AUTS2: variants seen among roughly 807,000 people sequenced by gnomAD.
The protein encoded by AUTS2 is activator of transcription and developmental regulator AUTS2, also known as autism susceptibility gene 2 protein.
A neutral mutation model predicts 112.4 loss-of-function variants in AUTS2; 17 were observed. The ratio of observed to expected loss-of-function variants is 0.15; its 90% CI spans 0.10 to 0.23. The LOEUF is 0.23. Ranked by LOEUF, AUTS2 falls within the 10% of genes least tolerant of loss-of-function variation. The probability of loss-of-function intolerance (pLI) is 1.00; values close to 1 mark genes in which losing one functional copy is unlikely to be tolerated. For synonymous variants in AUTS2, 751 were observed against 702.7 expected, an observed-to-expected ratio of 1.07 and a Z score of -1.09; for missense variants, 1,510 against 1,701.6, an observed-to-expected ratio of 0.89 and a Z score of 1.98.
chr7:70,400,781 T>G (rs914029753), intron 4 of AUTS2, among the ~76,000 whole-genome samples: 1 of 152,174 alleles, frequency 6.6e-6, no homozygotes, highest in Non-Finnish European at 1.5e-5. Flanking sequence ...CCTGGGAGCT[T>G]GTTAAAAAAT....
chr7:70,677,631 C>G (rs1236029622), intron 5 of AUTS2, among the ~76,000 whole-genome samples: 2 of 152,032 alleles, frequency 1.3e-5, no homozygotes, highest in Non-Finnish European at 2.9e-5. Flanking sequence ...CTTTGTCTCC[C>G]AGGCTGGTCT....
intron 4 of AUTS2, among the ~76,000 whole-genome samples, chr7:70,264,042 A>T (rs903795890): frequency 3.3e-5 from 5 of 152,166 alleles, no homozygotes; most frequent in African/African-American, 9.7e-5. Context: ...GCATTGTTCC[A>T]CTAGTAATTT....
intron 2 of AUTS2, among the ~76,000 whole-genome samples, chr7:69,903,945 T>G (rs901932326): frequency 1.3e-5 from 2 of 152,182 alleles, no homozygotes; most frequent in African/African-American, 4.8e-5. Flanking sequence ...TCCAGTATGG[T>G]GGGAGATTTG....
At chr7:70,338,880 T>TTTATTTA (rs67651834) in intron 4 of AUTS2, among the ~76,000 whole-genome samples, 1 of 84,270 alleles carries the variant, frequency 1.2e-5, no homozygotes, top group African/African-American at 3.5e-5. Flanking sequence ...TTATTTATTT[T>TTTATTTA]GAGACAGAGT....
intron 4 of AUTS2, among the ~76,000 whole-genome samples, chr7:70,285,124 T>G (rs982098697): frequency 4.0e-5 from 6 of 151,778 alleles, no homozygotes; most frequent in Admixed American, 1.3e-4. Context: ...AGTGGGCAAA[T>G]GGGGTGATTT....
intron 4 of AUTS2, among the ~76,000 whole-genome samples, chr7:70,271,910 A>C (rs909580152): frequency 2.8e-4 from 42 of 152,196 alleles, no homozygotes; most frequent in African/African-American, 1.0e-3. Context: ...GGTTCAATGT[A>C]ATTTCATGTT....
At chr7:69,768,979 G>A (rs936314514) in intron 1 of AUTS2, among the ~76,000 whole-genome samples, 7 of 152,172 alleles carry the variant, frequency 4.6e-5, no homozygotes, top group African/African-American at 9.7e-5. Flanking sequence ...GGACACACTT[G>A]TTTGTTTATA....
intron 2 of AUTS2, among the ~76,000 whole-genome samples, chr7:70,077,955 T>C (rs1803115854): frequency 6.6e-6 from 1 of 152,224 alleles, no homozygotes. Context: ...CTGGAAGATT[T>C]AATATTCAGA....
intron 2 of AUTS2, among the ~76,000 whole-genome samples, chr7:70,057,479 T>A (rs140557715): frequency 2.6e-5 from 4 of 152,324 alleles, no homozygotes; most frequent in Admixed American, 2.6e-4. Flanking sequence ...TACTGTTAAA[T>A]TCTGTCCCTC....
intron 2 of AUTS2, among the ~76,000 whole-genome samples, chr7:69,906,824 G>C (rs1795167153): frequency 6.6e-6 from 1 of 152,130 alleles, no homozygotes; most frequent in African/African-American, 2.4e-5. Context: ...TACAGTTATT[G>C]GTATGGGTGC....
chr7:69,766,521 C>G (rs542224004), intron 1 of AUTS2, among the ~76,000 whole-genome samples: 1 of 152,110 alleles, frequency 6.6e-6, no homozygotes, highest in Non-Finnish European at 1.5e-5. Flanking sequence ...GAGAAACTAC[C>G]GTACTGTTTT....
At chr7:69,617,695 G>T (rs1793453964) in intron 1 of AUTS2, among the ~76,000 whole-genome samples, 1 of 152,118 alleles carries the variant, frequency 6.6e-6, no homozygotes, top group African/African-American at 2.4e-5. Context: ...AGCACATCTG[G>T]AGCTCACGTT....
chr7:70,174,990 C>T (rs1808907317), intron 4 of AUTS2, among the ~76,000 whole-genome samples: 1 of 152,096 alleles, frequency 6.6e-6, no homozygotes, highest in South Asian at 2.1e-4. Flanking sequence ...TTTCATAAGG[C>T]TTTAGCCACC....
chr7:70,273,404 C>A (rs776492994), intron 4 of AUTS2, among the ~76,000 whole-genome samples: 36 of 152,012 alleles, frequency 2.4e-4, no homozygotes, highest in Non-Finnish European at 5.1e-4. Flanking sequence ...TTTTTTCCAA[C>A]CCCTTCTTCA....
At chr7:70,350,132 C>A (rs752132856) in intron 4 of AUTS2, among the ~76,000 whole-genome samples, 5 of 152,160 alleles carry the variant, frequency 3.3e-5, no homozygotes, top group Non-Finnish European at 7.3e-5. Flanking sequence ...TGTGAGCAGG[C>A]TGTGGCCAAA....
intron 2 of AUTS2, among the ~76,000 whole-genome samples, chr7:70,060,985 G>A (rs1382913634): frequency 1.3e-5 from 2 of 152,178 alleles, no homozygotes; most frequent in African/African-American, 4.8e-5. Context: ...AACAAACCCT[G>A]TGACCCTAGG....
chr7:70,546,437 C>G (rs1800783902), intron 5 of AUTS2, among the ~76,000 whole-genome samples: 1 of 151,124 alleles, frequency 6.6e-6, no homozygotes, highest in South Asian at 2.1e-4. Context: ...GAGTGAGACT[C>G]TGTCTCAAAA....
At chr7:70,777,072 C>T in intron 13 of AUTS2, 31 bp from the exon 14 acceptor site, 3 of 1,607,646 alleles carry the variant, frequency 1.9e-6, no homozygotes, top group Non-Finnish European at 2.6e-6. Flanking sequence ...AAATGTCTTC[C>T]TCCTAACCAC....
intron 4 of AUTS2, among the ~76,000 whole-genome samples, chr7:70,245,939 ATG>A (rs1252973729): frequency 6.6e-6 from 1 of 152,144 alleles, no homozygotes; most frequent in South Asian, 2.1e-4. Flanking sequence ...GCACATGTGT[ATG>A]TGTGTGTGTT....
Sources: gnomAD v4.1 joint callset for allele counts (sites outside exome capture counted in the v4.1 genomes callset) on GRCh38, gnomAD v4.1.1 for gene constraint, MANE v1.5 for transcripts, NCBI Gene and HGNC (gene_info 2026-07-23, HGNC 2026-07-21) for gene names.